The following SP100 variants were observed in gnomAD, a reference collection of about 807,000 sequenced individuals.
The protein encoded by SP100 is SP100 nuclear body protein.
In SP100, 84 loss-of-function variants were observed where a neutral mutation model predicts 130.0. The observed-to-expected ratio is 0.65, with a 90% CI of 0.54 to 0.77. The LOEUF (loss-of-function observed/expected upper bound fraction) is 0.77, where lower values mean the gene tolerates loss of function less well. Among genes scored for constraint, SP100 ranks in the 30% least tolerant of loss-of-function variants. The pLI is 0.00. For missense variants in SP100, 978 were observed against 1,052.2 expected (o/e 0.93, Z 0.97); for synonymous variants, 331 against 351.7 (o/e 0.94, Z 0.66).
chr2:230,497,369 T>C (rs2066725896), intron 18 of SP100, among the ~76,000 whole-genome samples: 1 of 147,272 alleles, frequency 6.8e-6, no homozygotes, highest in South Asian at 2.1e-4. Flanking sequence ...GGCCAGGCCA[T>C]ATAAAGAAAG....
In SP100 at chr2:230,462,451, C is replaced by G; in HGVS notation, c.990C>G (p.Asp330Glu). 1 of 1,613,710 alleles carries G rather than the reference C, an allele frequency of 6.2e-7. No individual in the cohort carries two copies. The change falls in exon 10 of 29, where the codon GAC becomes GAG. Residue 330 changes from aspartate to glutamate, a missense_variant. Transcript: ENST00000340126. ...ASDIIVISSE[D>E]SEGSTDVDEP... is the part of the protein sequence containing the mutation. ...TTTGTGCAGTCATCAGCAGTGAGGA[C>G]TCTGAAGGATCCACTGACGTTGATG...
intron 24 of SP100, among the ~76,000 whole-genome samples, chr2:230,532,998 G>A (rs1327413605): frequency 3.3e-5 from 5 of 152,026 alleles, no homozygotes; most frequent in Non-Finnish European, 5.9e-5. Flanking sequence ...CCAGGCTGGT[G>A]TCGAACGCCT....
intron 17 of SP100, among the ~76,000 whole-genome samples, chr2:230,488,754 C>G (rs941742164): frequency 1.3e-5 from 2 of 152,248 alleles, no homozygotes; most frequent in Middle Eastern, 3.4e-3. Context: ...TTTTCAAAGA[C>G]CTTTTCTGCA....
intron 24 of SP100, among the ~76,000 whole-genome samples, chr2:230,523,489 G>A (rs904265441): frequency 2.6e-5 from 4 of 151,306 alleles, no homozygotes; most frequent in Admixed American, 1.3e-4. Flanking sequence ...CAACATGGTG[G>A]AACCCCATCT....
At chr2:230,531,251 G>A (rs1691685195) in intron 24 of SP100, among the ~76,000 whole-genome samples, 2 of 152,184 alleles carry the variant, frequency 1.3e-5, no homozygotes, top group Non-Finnish European at 2.9e-5. Flanking sequence ...AAAAAAGGAT[G>A]AGTTTGTGTC....
chr2:230,462,743 A>G, intron 10 of SP100: 1 of 501,530 alleles, frequency 2.0e-6, no homozygotes. Flanking sequence ...GATGGATTCT[A>G]TTAATCAATA....
intron 24 of SP100, among the ~76,000 whole-genome samples, chr2:230,533,395 G>A (rs1691793109): frequency 6.6e-6 from 1 of 152,160 alleles, no homozygotes; most frequent in Non-Finnish European, 1.5e-5. Flanking sequence ...AAGTGCTATA[G>A]GAAGTAATAA....
At chr2:230,472,617 TACA>T (rs2065330923) in intron 15 of SP100, among the ~76,000 whole-genome samples, 1 of 151,664 alleles carries the variant, frequency 6.6e-6, no homozygotes, top group Non-Finnish European at 1.5e-5. Context: ...AAAAATTAGG[TACA>T]ACAAGAAGTA....
At chr2:230,472,331 G>C (rs2149997289) in intron 15 of SP100, among the ~76,000 whole-genome samples, 1 of 151,148 alleles carries the variant, frequency 6.6e-6, no homozygotes, top group Middle Eastern at 3.4e-3. Flanking sequence ...AGGAGGCTGA[G>C]GCAGGAGAAT....
chr2:230,438,687 AT>A (rs1160512911), intron 2 of SP100, among the ~76,000 whole-genome samples: 2 of 150,490 alleles, frequency 1.3e-5, no homozygotes, highest in African/African-American at 4.9e-5. Context: ...ACACACACAC[AT>A]ATGGTATATA....
intron 2 of SP100, among the ~76,000 whole-genome samples, chr2:230,435,257 G>GACATTTAATAGACATTAGACA (rs2063220417): frequency 6.6e-6 from 1 of 152,116 alleles, no homozygotes. Flanking sequence ...GTATTCATAT[G>GACATTTAATAGACATTAGACA]TTTATTAGAC....
At chr2:230,503,499 T>C (rs149783062) in intron 20 of SP100, among the ~76,000 whole-genome samples, 154 of 152,360 alleles carry the variant, frequency 1.0e-3, no homozygotes, top group Non-Finnish European at 3.2e-4. Flanking sequence ...TATTCTCTTT[T>C]AGCTATTTTG....
At chr2:230,445,403 C>T (rs1047642698) in intron 4 of SP100, among the ~76,000 whole-genome samples, 1 of 152,124 alleles carries the variant, frequency 6.6e-6, no homozygotes, top group Non-Finnish European at 1.5e-5. Flanking sequence ...TTGGCTAAAT[C>T]TGAGAGTGAG....
At chr2:230,509,708 A>C (rs958064773) in intron 23 of SP100, 10 of 152,094 alleles carry the variant, frequency 6.6e-5, no homozygotes, top group Admixed American at 5.2e-4. Flanking sequence ...GGTAACTGCT[A>C]TTGTTGCCAG....
In SP100 at chr2:230,490,271, C is replaced by T. The variant is rs187029462; in HGVS notation, c.1601-4145C>T. ...AATGCCCTTCTTTGTCTTTTTTGAT[C>T]TTTGTTGGTTTAAAGTCTGTTTTGT... On this transcript the variant is annotated intron_variant, in intron 17 of 28. Transcript: ENST00000340126. Among the ~76,000 whole-genome samples, 51 of 151,962 alleles carry T rather than the reference C, an allele frequency of 3.4e-4. 1 individual carries two copies. The highest frequency in any genetic ancestry group is 3.4e-3 in the Middle Eastern group (1 of 294).
At chr2:230,531,499 C>G (rs1229767937) in intron 24 of SP100, among the ~76,000 whole-genome samples, 2 of 151,862 alleles carry the variant, frequency 1.3e-5, no homozygotes, top group East Asian at 1.9e-4. Flanking sequence ...TATAACAAAC[C>G]TGCACGTTGT....
chr2:230,544,776 CG>C lies in SP100; in HGVS notation c.*1832del, dbSNP rs1054142374. 1.3e-5 allele frequency among the ~76,000 whole-genome samples: 2 copies of C among 152,144 alleles called. No individual in the cohort carries two copies. Among genetic ancestry groups the C allele is most frequent in the African/African-American group, 4.8e-5 (2 of 41,434 alleles). ...GATTACAGGCATCAGCCACCATGCC[CG>C]GATGAAAAGACACTTTCCAAAAGAA... is the stretch of plus-strand genomic sequence containing the variant. On this transcript the variant is annotated 3_prime_UTR_variant, in exon 29 of 29. Coordinates refer to ENST00000340126, the MANE Select transcript of SP100 (RefSeq NM_001080391.2).
intron 22 of SP100, among the ~76,000 whole-genome samples, 158 bp from the exon 23 acceptor site, chr2:230,507,835 C>A (rs776169857): frequency 2.7e-4 from 41 of 152,038 alleles, no homozygotes; most frequent in Non-Finnish European, 5.4e-4. Context: ...TTCCTTGAAT[C>A]CCTGGAGAAT....
intron 24 of SP100, chr2:230,538,641 G>A (rs1232172244): frequency 6.6e-6 from 1 of 152,294 alleles, no homozygotes; most frequent in Admixed American, 6.5e-5. Context: ...CACCTTACAT[G>A]CCTAAGTCAT....
Sources: allele counts gnomAD v4.1 joint callset (sites outside exome capture counted in the v4.1 genomes callset), GRCh38; gene constraint gnomAD v4.1.1; transcripts MANE v1.5; gene names NCBI Gene and HGNC (gene_info 2026-07-23, HGNC 2026-07-21).